MKLN1: variants seen among roughly 807,000 people sequenced by gnomAD.
The protein encoded by MKLN1 is muskelin.
MKLN1 carries 18 observed loss-of-function variants against 99.0 expected under a neutral mutation model. The observed-to-expected ratio is 0.18, with a 90% CI of 0.13 to 0.27. MKLN1 has a LOEUF of 0.27. Among genes scored for constraint, MKLN1 ranks in the 10% least tolerant of loss-of-function variants. The probability of loss-of-function intolerance (pLI) is 1.00; values close to 1 mark genes in which losing one functional copy is unlikely to be tolerated. For missense variants in MKLN1, 621 were observed against 875.9 expected, an observed-to-expected ratio of 0.71 and a Z score of 3.67; for synonymous variants, 288 against 293.2, an observed-to-expected ratio of 0.98 and a Z score of 0.18.
At position 131,423,254 on chromosome 7, in the gene MKLN1, G is replaced by A. The variant is rs567223164; in HGVS notation, c.848-5779G>A. Among the ~76,000 whole-genome samples, 7 of 152,274 alleles carry A rather than the reference G, an allele frequency of 4.6e-5. No homozygotes were observed. The South Asian group carries it at 1.5e-3, about 32-fold the overall frequency. ...TTGATGGAGAGTTGCTTGTCACTTG[G>A]AAGAGCCTTTCTGTAGAAATTTGAA... On this transcript the variant is annotated intron_variant, in intron 8 of 17. Transcript: ENST00000352689.
intron 2 of MKLN1, among the ~76,000 whole-genome samples, chr7:131,185,709 G>A (rs77683853): frequency 0.06 from 9,103 of 152,194 alleles, 326 homozygotes; most frequent in Middle Eastern, 0.12. Flanking sequence ...CATACTAGCC[G>A]TATGACCTTG....
intron 2 of MKLN1, among the ~76,000 whole-genome samples, chr7:131,196,164 T>C (rs1313223472): frequency 1.3e-5 from 2 of 152,196 alleles, no homozygotes; most frequent in African/African-American, 4.8e-5. Flanking sequence ...TCAGTTGTTT[T>C]ACCTATAAAG....
chr7:131,175,107 G>A (rs1454757396), intron 2 of MKLN1, among the ~76,000 whole-genome samples: 1 of 151,704 alleles, frequency 6.6e-6, no homozygotes, highest in East Asian at 1.9e-4. Context: ...GTGGGTGGAT[G>A]GATGGATGGG....
In MKLN1 at chr7:131,470,905, T is replaced by C; in HGVS notation, c.1992T>C (p.Tyr664=). 1 of 1,613,104 alleles carries C rather than the reference T, an allele frequency of 6.2e-7. No homozygotes were observed. Among genetic ancestry groups the C allele is most frequent in the Non-Finnish European group, 8.5e-7 (1 of 1,179,322 alleles). The change falls in exon 16 of 18, where the codon TAT becomes TAC. Residue 664 remains tyrosine (Y), a synonymous_variant. Coordinates refer to ENST00000352689, the MANE Select transcript of MKLN1 (RefSeq NM_013255.5). ...TGAAATATTTACAAAATGATCTTTATATAACTGTGGATCATTCAGACCCAG... is the reference window on the plus strand; with the variant it reads ...TGAAATATTTACAAAATGATCTTTACATAACTGTGGATCATTCAGACCCAG... ...SALKYLQNDL[Y]ITVDHSDPEE...
At chr7:131,296,997 C>T (rs1012812391) in intron 3 of MKLN1, among the ~76,000 whole-genome samples, 4 of 152,062 alleles carry the variant, frequency 2.6e-5, no homozygotes, top group African/African-American at 7.2e-5. Flanking sequence ...CCTCAGCCTC[C>T]CAAAGTGCTG....
intron 6 of MKLN1, among the ~76,000 whole-genome samples, chr7:131,407,713 C>G (rs1375165877): frequency 1.3e-5 from 2 of 148,218 alleles, no homozygotes; most frequent in East Asian, 3.9e-4. Flanking sequence ...AATTTTTGCT[C>G]ATTTATGCCT....
intron 3 of MKLN1, among the ~76,000 whole-genome samples, chr7:131,263,506 T>C (rs1389149098): frequency 1.3e-5 from 2 of 151,520 alleles, no homozygotes; most frequent in African/African-American, 2.4e-5. Context: ...GCCTGGGCAA[T>C]AGAGCTAGAC....
intron 3 of MKLN1, among the ~76,000 whole-genome samples, chr7:131,230,358 T>A (rs1363557245): frequency 6.6e-6 from 1 of 152,140 alleles, no homozygotes; most frequent in Non-Finnish European, 1.5e-5. Flanking sequence ...TCTGTTTAGT[T>A]GGAGGGCTTA....
At chr7:131,356,956 TAAGGAAAGG>T (rs571971852) in intron 1 of MKLN1, among the ~76,000 whole-genome samples, 1 of 151,532 alleles carries the variant, frequency 6.6e-6, no homozygotes, top group Non-Finnish European at 1.5e-5. Flanking sequence ...TTTAGAACAG[TAAGGAAAGG>T]AAGGAAAGGA....
intron 4 of MKLN1, among the ~76,000 whole-genome samples, chr7:131,389,433 A>G (rs918402145): frequency 6.6e-6 from 1 of 152,070 alleles, no homozygotes; most frequent in Non-Finnish European, 1.5e-5. Context: ...TATGGTTATT[A>G]TCAGTTGTGT....
intron 1 of MKLN1, among the ~76,000 whole-genome samples, chr7:131,351,009 T>G (rs1007183979): frequency 1.3e-4 from 20 of 152,352 alleles, no homozygotes; most frequent in Non-Finnish European, 2.6e-4. Context: ...AAAAAATGTC[T>G]TTTTATAGTG....
chr7:131,481,470 G>A (rs1190931653), intron 17 of MKLN1, among the ~76,000 whole-genome samples: 2 of 152,122 alleles, frequency 1.3e-5, no homozygotes, highest in South Asian at 2.1e-4. Flanking sequence ...TGGAGGCCGA[G>A]GTGAGATGAT....
intron 1 of MKLN1, among the ~76,000 whole-genome samples, chr7:131,365,896 T>A (rs926104285): frequency 6.6e-6 from 1 of 152,130 alleles, no homozygotes; most frequent in African/African-American, 2.4e-5. Flanking sequence ...CCCAGCAGAG[T>A]GTTCACATGT....
chr7:131,454,616 C>T (rs1156826501), intron 12 of MKLN1, among the ~76,000 whole-genome samples: 4 of 152,204 alleles, frequency 2.6e-5, no homozygotes, highest in Non-Finnish European at 5.9e-5. Flanking sequence ...TGGCAAGTTG[C>T]CTAACCCCAG....
At chr7:131,444,752 AGTAGT>A (rs1160803484) in intron 11 of MKLN1, among the ~76,000 whole-genome samples, 37 of 89,030 alleles carry the variant, frequency 4.2e-4, no homozygotes, top group South Asian at 2.1e-3. Context: ...TAGTAGTAGT[AGTAGT>A]AGAAGAAGTA....
At chr7:131,268,469 T>C (rs1797839458) in intron 3 of MKLN1, among the ~76,000 whole-genome samples, 1 of 152,152 alleles carries the variant, frequency 6.6e-6, no homozygotes, top group Non-Finnish European at 1.5e-5. Context: ...CCAATACGGA[T>C]TGGTAGAGGT....
intron 17 of MKLN1, among the ~76,000 whole-genome samples, chr7:131,482,059 C>G (rs1797138788): frequency 6.6e-6 from 1 of 152,098 alleles, no homozygotes; most frequent in Admixed American, 6.5e-5. Flanking sequence ...TAAGGTTGAA[C>G]TCAGTCACTT....
intron 2 of MKLN1, among the ~76,000 whole-genome samples, chr7:131,160,767 C>A (rs985610244): frequency 3.3e-5 from 5 of 150,216 alleles, no homozygotes; most frequent in African/African-American, 1.2e-4. Context: ...TAAGCTCAAG[C>A]AATCCACCTG....
chr7:131,348,907 A>G (rs1378404580), intron 1 of MKLN1, among the ~76,000 whole-genome samples: 2 of 152,168 alleles, frequency 1.3e-5, no homozygotes, highest in Admixed American at 1.3e-4. Flanking sequence ...TAGATCGGTC[A>G]TTTAATTTCT....
Sources: gnomAD v4.1 joint callset for allele counts (sites outside exome capture counted in the v4.1 genomes callset) on GRCh38, gnomAD v4.1.1 for gene constraint, MANE v1.5 for transcripts, NCBI Gene and HGNC (gene_info 2026-07-23, HGNC 2026-07-21) for gene names.